The following ARAP2 variants were observed in gnomAD, a reference collection of about 807,000 sequenced individuals.
ARAP2 encodes the protein ArfGAP with RhoGAP domain, ankyrin repeat and PH domain 2.
ARAP2 carries 148 observed loss-of-function variants against 194.5 expected under a neutral mutation model. The observed-to-expected ratio is 0.76, with a 90% CI of 0.67 to 0.87. ARAP2 has a LOEUF of 0.87. Among genes scored for constraint, ARAP2 ranks in the 40% least tolerant of loss-of-function variants. The pLI is 0.00. For synonymous variants in ARAP2, 695 were observed against 683.5 expected, an observed-to-expected ratio of 1.02 and a Z score of -0.26; for missense variants, 2,128 against 1,989.7, an observed-to-expected ratio of 1.07 and a Z score of -1.32.
intron 28 of ARAP2, among the ~76,000 whole-genome samples, chr4:36,083,902 C>T (rs1730208951): frequency 6.6e-6 from 1 of 152,052 alleles, no homozygotes; most frequent in Non-Finnish European, 1.5e-5. Flanking sequence ...GCTAGTGTGG[C>T]TAGAATAAAG....
At chr4:36,199,224 T>A (rs1015213793) in intron 6 of ARAP2, among the ~76,000 whole-genome samples, 2 of 152,214 alleles carry the variant, frequency 1.3e-5, no homozygotes, top group Admixed American at 6.5e-5. Flanking sequence ...AATGAATAAA[T>A]AAGAGCCTAC....
At chr4:36,014,405 C>T (rs1380549736) in intron 8 of ARAP2, among the ~76,000 whole-genome samples, 1 of 150,322 alleles carries the variant, frequency 6.7e-6, no homozygotes, top group African/African-American at 2.5e-5. Flanking sequence ...GCAACCACTG[C>T]CACCACTTCT....
chr4:36,106,207 G>A (rs999342934), intron 27 of ARAP2, among the ~76,000 whole-genome samples: 1 of 151,908 alleles, frequency 6.6e-6, no homozygotes, highest in Non-Finnish European at 1.5e-5. Context: ...TTTATGACAT[G>A]TGCATTCATA....
At chr4:36,179,071 G>C (rs1279986450) in intron 8 of ARAP2, among the ~76,000 whole-genome samples, 1 of 152,088 alleles carries the variant, frequency 6.6e-6, no homozygotes, top group Non-Finnish European at 1.5e-5. Context: ...ATATGACCAG[G>C]GAATTCATAC....
intron 27 of ARAP2, among the ~76,000 whole-genome samples, chr4:36,100,887 A>C (rs137946117): frequency 3.2e-4 from 49 of 152,110 alleles, no homozygotes; most frequent in African/African-American, 1.1e-3. Flanking sequence ...GGATAAGCCA[A>C]GTATGCCCCC....
Position 36,075,174 on chromosome 4 carries a change from T to C in ARAP2, c.4609-1351A>G, listed in dbSNP as rs530762639. ...AGAGGGAATTAGGCAATTTTGTGAA[T>C]TACCCTTACACTTTCAAATCACTGA... On this transcript the variant is annotated intron_variant, in intron 31 of 32. Transcript: ENST00000303965. Among the ~76,000 whole-genome samples, 7 of 152,250 alleles carry C rather than the reference T, an allele frequency of 4.6e-5. No homozygotes were observed. In the Middle Eastern group the frequency reaches 0.01, roughly 222 times the overall value.
intron 19 of ARAP2, among the ~76,000 whole-genome samples, chr4:36,144,198 C>T (rs1406007721): frequency 6.6e-6 from 1 of 150,468 alleles, no homozygotes; most frequent in African/African-American, 2.4e-5. Context: ...GTTATAATAA[C>T]CTGAAAAAAT....
rs907898330 is a variant in ARAP2, at chr4:36,210,524, A to G, written c.1353T>C (p.Tyr451=). The part of the protein sequence containing the change: ...LILDSVNRHS[Y]PLSSTSGNAD... ...CATTTCCACTTGTTGAGCTTAACGG[A>G]TAACTGTGCCTATTAACGGAGTCCA... is the stretch of plus-strand genomic sequence containing the variant. Residue 451 remains tyrosine, a synonymous_variant, in exon 6 of 33, where the codon TAT becomes TAC. Coordinates refer to ENST00000303965, the MANE Select transcript of ARAP2 (RefSeq NM_015230.4). 2 of 1,613,972 alleles carry G rather than the reference A, an allele frequency of 1.2e-6. No individual in the cohort carries two copies. The highest frequency in any genetic ancestry group is 1.7e-6 in the Non-Finnish European group (2 of 1,179,880).
chr4:36,118,778 T>C (rs1418962317), intron 24 of ARAP2, among the ~76,000 whole-genome samples: 3 of 151,480 alleles, frequency 2.0e-5, no homozygotes, highest in African/African-American at 7.2e-5. Flanking sequence ...GGAAGCTGCA[T>C]AATTACTCTG....
At chr4:36,119,324 A>T (rs61798146) in intron 24 of ARAP2, among the ~76,000 whole-genome samples, 45,617 of 151,302 alleles carry the variant, frequency 0.3, 8,123 homozygotes, top group East Asian at 0.47. Flanking sequence ...TTTTCAACTT[A>T]CTCTAAGTAT....
chr4:36,107,323 C>T (rs1230532877), intron 27 of ARAP2, among the ~76,000 whole-genome samples: 1 of 151,966 alleles, frequency 6.6e-6, no homozygotes, highest in Non-Finnish European at 1.5e-5. Context: ...TAAAAACAAA[C>T]TATTATTTCC....
At position 36,164,932 on chromosome 4, in the gene ARAP2, T is replaced by A. The variant is rs553156565; in HGVS notation, c.2155A>T (p.Ile719Phe). 1 of 1,614,090 alleles carries A rather than the reference T, an allele frequency of 6.2e-7. No homozygotes were observed. The highest frequency in any genetic ancestry group is 1.1e-5 in the South Asian group (1 of 91,086). The change falls in exon 11 of 33, where the codon ATC becomes TTC. Residue 719 changes from isoleucine (I) to phenylalanine (F), a missense_variant. Coordinates refer to ENST00000303965, the MANE Select transcript of ARAP2 (RefSeq NM_015230.4). ...TAATTACCTGCACACTTCTTACAGA[T>A]GACAACACAGAGATTGATGGATGCC... is the stretch of plus-strand genomic sequence containing the variant. ...DWASINLCVV[I>F]CKKCAGQHRS...
At chr4:36,138,186 A>G (rs2109647345) in intron 19 of ARAP2, among the ~76,000 whole-genome samples, 1 of 151,812 alleles carries the variant, frequency 6.6e-6, no homozygotes, top group South Asian at 2.1e-4. Context: ...TCTTCTGGAA[A>G]AGTATGAATT....
intron 15 of ARAP2, among the ~76,000 whole-genome samples, chr4:36,158,261 A>C (rs1431735778): frequency 3.3e-5 from 5 of 152,128 alleles, no homozygotes; most frequent in Non-Finnish European, 7.4e-5. Context: ...AACCAAGCTT[A>C]AGTTTTATTT....
In ARAP2 at chr4:36,228,629, A is replaced by C; in HGVS notation, c.858T>G (p.His286Gln). ...ACCCTGGAATCTCTGGTACAGGTCGATGTCTTAGCAGAAAAGATCGAGATG... is the reference window on the plus strand; with the variant it reads ...ACCCTGGAATCTCTGGTACAGGTCGCTGTCTTAGCAGAAAAGATCGAGATG... ...SRPSRSFLLR[H>Q]RPVPEIPGST... The change falls in exon 2 of 33, where the codon CAT becomes CAG. Residue 286 changes from histidine (H) to glutamine (Q), a missense_variant. Transcript: ENST00000303965. 6.2e-7 allele frequency: 1 copy of C among 1,613,920 alleles called. No individual in the cohort carries two copies. The highest frequency in any genetic ancestry group is 8.5e-7 in the Non-Finnish European group (1 of 1,179,888).
chr4:36,156,389 GAGAAAGAAAGAAAGAAAGAAAGAAAGAAA>G (rs1732407576), intron 15 of ARAP2, among the ~76,000 whole-genome samples: 1 of 12,568 alleles, frequency 8.0e-5, no homozygotes, highest in African/African-American at 4.1e-4. Context: ...AAGAGAGAGA[GAGAAAGAAAGAAAGAAAGAAAGAAAGAAA>G]GAAAGAAAGA....
At chr4:36,076,615 C>T (rs1050342892) in intron 31 of ARAP2, among the ~76,000 whole-genome samples, 1 of 151,838 alleles carries the variant, frequency 6.6e-6, no homozygotes, top group African/African-American at 2.4e-5. Context: ...CCCAACCCTC[C>T]TCCATGCTTC....
chr4:36,163,479 A>G (rs1268456490), intron 11 of ARAP2, among the ~76,000 whole-genome samples: 1 of 152,208 alleles, frequency 6.6e-6, no homozygotes, highest in East Asian at 1.9e-4. Flanking sequence ...ATCAGCAGTT[A>G]AAAGGTAGCT....
At chr4:36,182,797 T>C (rs1468830065) in intron 8 of ARAP2, among the ~76,000 whole-genome samples, 1 of 152,108 alleles carries the variant, frequency 6.6e-6, no homozygotes, top group Non-Finnish European at 1.5e-5. Context: ...GAGGCTTCTA[T>C]TTGCTGAGAT....
Sources: allele counts gnomAD v4.1 joint callset (sites outside exome capture counted in the v4.1 genomes callset), GRCh38; gene constraint gnomAD v4.1.1; transcripts MANE v1.5; gene names NCBI Gene and HGNC (gene_info 2026-07-23, HGNC 2026-07-21).